Variants in TBC1D24 observed in about 807,000 individuals in gnomAD.
TBC1D24 encodes Infantile myoclonic epilepsy.
TBC1D24 carries 47 observed loss-of-function variants against 50.7 expected under a neutral mutation model. The ratio of observed to expected loss-of-function variants is 0.93; its 90% confidence interval spans 0.73 to 1.18. The LOEUF is 1.18. TBC1D24 is among the 50% of genes most tolerant of loss of function. The pLI, the probability that TBC1D24 is intolerant of heterozygous loss-of-function variation, is 0.00. For missense variants in TBC1D24, 688 were observed against 766.5 expected (o/e 0.90, Z 1.21); for synonymous variants, 324 against 335.2 (o/e 0.97, Z 0.36).
intron 1 of TBC1D24, among the ~76,000 whole-genome samples, chr16:2,490,956 C>T (rs1363027944): frequency 1.3e-5 from 2 of 152,138 alleles, no homozygotes; most frequent in Admixed American, 6.5e-5. Context: ...CAGCAGCAGC[C>T]AGCCAGCAGA....
chr16:2,486,409 C>T lies in TBC1D24; in HGVS notation c.-115-9625C>T, dbSNP rs1164998438. Among the ~76,000 whole-genome samples, 1 of 152,254 alleles carries T rather than the reference C, an allele frequency of 6.6e-6. No homozygotes were observed. ...GACGAGCGGCAGCTGACGCCCATGC[C>T]CTGTTCTGTGGCCCGTGACTGAGGT... On this transcript the variant is annotated intron_variant, in intron 1 of 7. Transcript: ENST00000646147. The surrounding 1 kb of genome is among the most constrained non-coding windows in gnomAD (Gnocchi z 5.8).
At position 2,486,097 on chromosome 16, in the gene TBC1D24, C is replaced by T. The variant is rs916553679; in HGVS notation, c.-115-9937C>T. 6.6e-6 allele frequency among the ~76,000 whole-genome samples: 1 copy of T among 152,220 alleles called. No individual in the cohort carries two copies. Among genetic ancestry groups the T allele is most frequent in the African/African-American group, 2.4e-5 (1 of 41,450 alleles). ...GGTGGGGCCTGCCGGTCTCCCTAGC[C>T]CACCACCAGGTTTCCTCTGTATCCC... On this transcript the variant is annotated intron_variant, in intron 1 of 7. Transcript: ENST00000646147. The surrounding 1 kb of genome is among the most constrained non-coding windows in gnomAD (Gnocchi z 5.8).
intron 1 of TBC1D24, among the ~76,000 whole-genome samples, chr16:2,493,360 C>T (rs1446905939): frequency 5.3e-5 from 8 of 151,906 alleles, no homozygotes; most frequent in South Asian, 2.1e-4. Context: ...AGGATGGTCT[C>T]GATCTCCTGA....
In TBC1D24 at chr16:2,486,112, C is replaced by A. The variant is rs1451385649; in HGVS notation, c.-115-9922C>A. Among the ~76,000 whole-genome samples the A allele has an allele frequency of 6.6e-6, 1 of 152,218 alleles. No individual in the cohort carries two copies. The highest frequency in any genetic ancestry group is 1.5e-5 in the Non-Finnish European group (1 of 68,028). On this transcript the variant is annotated intron_variant, in intron 1 of 7. Transcript: ENST00000646147. The surrounding 1 kb of genome is among the most constrained non-coding windows in gnomAD (Gnocchi z 5.8). ...TCTCCCTAGCCCACCACCAGGTTTCCTCTGTATCCCCGCAGCACTTGGCAA... is the reference window on the plus strand; with the variant it reads ...TCTCCCTAGCCCACCACCAGGTTTCATCTGTATCCCCGCAGCACTTGGCAA...
intron 1 of TBC1D24, among the ~76,000 whole-genome samples, chr16:2,490,217 G>A (rs2065684660): frequency 6.6e-6 from 1 of 152,184 alleles, no homozygotes; most frequent in Non-Finnish European, 1.5e-5. Flanking sequence ...GGTGTCAGGT[G>A]GAATTTTTCC....
At chr16:2,484,544 C>T (rs957369922) in intron 1 of TBC1D24, 1 of 152,354 alleles carries the variant, frequency 6.6e-6, no homozygotes, top group Non-Finnish European at 1.5e-5. Context: ...AAGCCACTTT[C>T]TGACCTCACT....
intron 1 of TBC1D24, chr16:2,481,532 A>C (rs1025043245): frequency 2.6e-5 from 4 of 152,248 alleles, no homozygotes; most frequent in Non-Finnish European, 4.4e-5. Context: ...AACTCAGACC[A>C]ATCAAAATGC....
chr16:2,489,229 A>C (rs1033156223), intron 1 of TBC1D24, among the ~76,000 whole-genome samples: 2 of 151,886 alleles, frequency 1.3e-5, no homozygotes, highest in African/African-American at 4.8e-5. Context: ...CAGGAGTTCG[A>C]GATCAGCCTG....
At chr16:2,476,177 C>A (rs1273615466) in intron 1 of TBC1D24, among the ~76,000 whole-genome samples, 1 of 152,218 alleles carries the variant, frequency 6.6e-6, no homozygotes, top group African/African-American at 2.4e-5. Flanking sequence ...GCAGAAGGAA[C>A]CGTCCCATTA....
At position 2,500,883 on chromosome 16, in the gene TBC1D24, C is replaced by T; in HGVS notation, c.1605C>T (p.Asn535=). ...CAAGCCACTGCGACACCTTCAACAA[C>T]CAGCCCCTCTGCTCCGAGAACTTCC... The part of the protein sequence containing the change: ...GRTSHCDTFN[N]QPLCSENFLI... Residue 535 remains asparagine, a synonymous_variant, in exon 8 of 8, where the codon AAC becomes AAT. Coordinates refer to ENST00000646147, the MANE Select transcript of TBC1D24 (RefSeq NM_001199107.2). The surrounding 1 kb of genome is among the most constrained non-coding windows in gnomAD (Gnocchi z 8.0). The T allele has an allele frequency of 6.2e-7, 1 of 1,613,186 alleles. No individual in the cohort carries two copies. Among genetic ancestry groups the T allele is most frequent in the Non-Finnish European group, 8.5e-7 (1 of 1,179,972 alleles).
chr16:2,499,697 T>C lies in TBC1D24; in HGVS notation c.1207-138T>C. The C allele has an allele frequency of 1.2e-6, 1 of 842,234 alleles. No individual in the cohort carries two copies. Among genetic ancestry groups the C allele is most frequent in the South Asian group, 1.4e-5 (1 of 73,724 alleles). The allele number at this position is 842,234 out of a possible 1,614,324, so 52.2% of individuals were successfully genotyped here. A position where few individuals can be genotyped will look rare whatever the true frequency, so the allele number is the denominator to read the frequency against. ...TGCAACACTGCCTTTCCCACACCAC[T>C]CCTGCCCTGGGGTGGGGGTGGGAGA... On this transcript the variant is annotated intron_variant, in intron 5 of 7. Transcript: ENST00000646147. This position sits in a 1 kb window ranked among gnomAD's most constrained non-coding sequence, Gnocchi z 4.0.
chr16:2,499,569 C>T lies in TBC1D24; in HGVS notation c.1206+149C>T. On this transcript the variant is annotated intron_variant, in intron 5 of 7. Coordinates refer to ENST00000646147, the MANE Select transcript of TBC1D24 (RefSeq NM_001199107.2). This position sits in a 1 kb window ranked among gnomAD's most constrained non-coding sequence, Gnocchi z 4.0. ...GCGTGGGTATGGCCAGCACATGGGG[C>T]TCATCCCACACTCAGGGCCACAAGG... is the stretch of plus-strand genomic sequence containing the variant. 1.3e-6 allele frequency: 1 copy of T among 784,646 alleles called. No homozygotes were observed. Among genetic ancestry groups the T allele is most frequent in the South Asian group, 1.5e-5 (1 of 68,410 alleles). The allele number at this position is 784,646 out of a possible 1,614,324, so 48.6% of individuals were successfully genotyped here. A position where few individuals can be genotyped will look rare whatever the true frequency, so the allele number is the denominator to read the frequency against.
Position 2,496,799 on chromosome 16 carries a change from T to C in TBC1D24, c.651T>C (p.Phe217=), listed in dbSNP as rs750100459. The part of the protein sequence containing the change: ...QVYADWQRWL[F]GELPLCYFAR... ...ATGCGGACTGGCAGCGCTGGCTGTT[T>C]GGGGAGCTGCCCCTCTGCTACTTCG... is the stretch of plus-strand genomic sequence containing the variant. Residue 217 remains phenylalanine, a synonymous_variant, in exon 2 of 8, where the codon TTT becomes TTC. Transcript: ENST00000646147. The C allele has an allele frequency of 6.2e-6, 10 of 1,613,856 alleles. No individual in the cohort carries two copies. The highest frequency in any genetic ancestry group is 8.5e-6 in the Non-Finnish European group (10 of 1,180,038).
chr16:2,500,864 A>G lies in TBC1D24; in HGVS notation c.1586A>G (p.His529Arg). The G allele has an allele frequency of 6.2e-7, 1 of 1,612,670 alleles. No individual in the cohort carries two copies. The highest frequency in any genetic ancestry group is 1.7e-5 in the Admixed American group (1 of 60,018). ...DGDLNRGRTSHCDTFNNQPLC... is the reference protein window; with the variant it reads ...DGDLNRGRTSRCDTFNNQPLC... ...GACCTGAACCGGGGCCGCACAAGCC[A>G]CTGCGACACCTTCAACAACCAGCCC... The change falls in exon 8 of 8, where the codon CAC becomes CGC. Residue 529 changes from histidine to arginine, a missense_variant. By Grantham distance (29) the His-to-Arg change is conservative. Coordinates refer to ENST00000646147, the MANE Select transcript of TBC1D24 (RefSeq NM_001199107.2). This position sits in a 1 kb window ranked among gnomAD's most constrained non-coding sequence, Gnocchi z 8.0.
Position 2,501,030 on chromosome 16 carries a change from A to G in TBC1D24, c.*72A>G. On this transcript the variant is annotated 3_prime_UTR_variant, in exon 8 of 8. Transcript: ENST00000646147. ...GCTGGGCTGCCGCCTCGGGCAGCAGAGAGCAGATGAAACCCCCATGTGGTA... is the reference window on the plus strand; with the variant it reads ...GCTGGGCTGCCGCCTCGGGCAGCAGGGAGCAGATGAAACCCCCATGTGGTA... The G allele has an allele frequency of 6.3e-7, 1 of 1,582,354 alleles. No individual in the cohort carries two copies. Among genetic ancestry groups the G allele is most frequent in the Non-Finnish European group, 8.6e-7 (1 of 1,168,064 alleles).
intron 1 of TBC1D24, chr16:2,480,331 A>C (rs1415099896): frequency 1.3e-5 from 2 of 150,788 alleles, no homozygotes; most frequent in Non-Finnish European, 3.0e-5. Context: ...GTATCTTACT[A>C]TGTTGCCCAG....
chr16:2,488,489 A>G (rs1221278468), intron 1 of TBC1D24, among the ~76,000 whole-genome samples: 1 of 142,864 alleles, frequency 7.0e-6, no homozygotes, highest in East Asian at 2.0e-4. Flanking sequence ...TCATTCGCAC[A>G]TAGCTTTTTT....
Position 2,499,220 on chromosome 16 carries a change from G to C in TBC1D24, c.1143-137G>C. On this transcript the variant is annotated intron_variant, in intron 4 of 7. Coordinates refer to ENST00000646147, the MANE Select transcript of TBC1D24 (RefSeq NM_001199107.2). This position sits in a 1 kb window ranked among gnomAD's most constrained non-coding sequence, Gnocchi z 4.0. Reference sequence around the variant, plus strand: ...CCAGGTGAGAAGAACACCTGGGTGAGGGTGTTGTCGGGACCCAGAGAGAAG... The same window carrying C: ...CCAGGTGAGAAGAACACCTGGGTGACGGTGTTGTCGGGACCCAGAGAGAAG... 2.6e-6 allele frequency: 2 copies of C among 770,808 alleles called. No homozygotes were observed. The highest frequency in any genetic ancestry group is 4.5e-6 in the Non-Finnish European group (2 of 441,964). 47.7% of individuals were successfully genotyped at this position (770,808 alleles called of 1,614,324 possible).
rs574786638 is a variant in TBC1D24, at chr16:2,499,087, C to T, written c.1143-270C>T. On this transcript the variant is annotated intron_variant, in intron 4 of 7. Coordinates refer to ENST00000646147, the MANE Select transcript of TBC1D24 (RefSeq NM_001199107.2). This position sits in a 1 kb window ranked among gnomAD's most constrained non-coding sequence, Gnocchi z 4.0. ...ACCGCAGGGACCTGTTCCTCTGGTT[C>T]CTGCTTCCCCAGCCCCTGGCGCTTG... Among the ~76,000 whole-genome samples the T allele has an allele frequency of 2.6e-5, 4 of 152,354 alleles. No individual in the cohort carries two copies. The highest frequency in any genetic ancestry group is 4.1e-4 in the South Asian group (2 of 4,832).
Sources: allele counts gnomAD v4.1 joint callset (sites outside exome capture counted in the v4.1 genomes callset), GRCh38; gene constraint gnomAD v4.1.1; non-coding constraint Gnocchi (gnomAD v3.1); transcripts MANE v1.5; gene names NCBI Gene and HGNC (gene_info 2026-07-23, HGNC 2026-07-21).